The following TENM3 variants were observed in gnomAD, a reference collection of about 807,000 sequenced individuals.
The protein encoded by TENM3 is teneurin-3.
Under a neutral mutation model 255.1 loss-of-function variants are expected in TENM3, and 63 were observed. That is an observed-to-expected ratio of 0.25 (90% CI 0.20 to 0.30). The LOEUF (loss-of-function observed/expected upper bound fraction) is 0.30. Among genes scored for constraint, TENM3 ranks in the 10% least tolerant of loss-of-function variants. TENM3 has a pLI of 1.00. For synonymous variants in TENM3, 1,306 were observed against 1,322.3 expected (o/e 0.99, Z 0.27); for missense variants, 2,929 against 3,461.1 (o/e 0.85, Z 3.86).
At chr4:181,759,146 A>G in the TENM3 span, among the ~76,000 whole-genome samples, 1 of 152,138 alleles carries the variant, frequency 6.6e-6, no homozygotes, top group Non-Finnish European at 1.5e-5. Flanking sequence ...TTGGAAATAG[A>G]GATTGCAAAA....
At chr4:182,267,870 T>C (rs1481543685) in intron 1 of TENM3, among the ~76,000 whole-genome samples, 4 of 152,214 alleles carry the variant, frequency 2.6e-5, no homozygotes, top group Admixed American at 2.0e-4. Flanking sequence ...TTTCAAAAAC[T>C]ATGGTACACT....
At chr4:182,794,968 T>G (rs1165916902) in intron 26 of TENM3, among the ~76,000 whole-genome samples, 1 of 152,106 alleles carries the variant, frequency 6.6e-6, no homozygotes, top group Non-Finnish European at 1.5e-5. Flanking sequence ...TGGGCTTGAT[T>G]TAAGGTATTT....
intron 1 of TENM3, among the ~76,000 whole-genome samples, chr4:182,306,751 T>C (rs188334331): frequency 4.7e-4 from 72 of 152,326 alleles, no homozygotes; most frequent in African/African-American, 1.7e-3. Flanking sequence ...TTGTACATAC[T>C]AGAAAGGTTC....
the TENM3 span, among the ~76,000 whole-genome samples, chr4:181,892,395 C>T: frequency 2.0e-4 from 31 of 152,270 alleles, no homozygotes; most frequent in African/African-American, 7.2e-4. Flanking sequence ...TACCTAGTTT[C>T]TGAGTGTCAC....
the TENM3 span, among the ~76,000 whole-genome samples, chr4:181,852,819 G>A: frequency 1.3e-5 from 2 of 152,132 alleles, no homozygotes; most frequent in Non-Finnish European, 2.9e-5. Flanking sequence ...GGTGACCAAG[G>A]GAGGATGAGC....
At chr4:181,670,310 G>A in the TENM3 span, among the ~76,000 whole-genome samples, 1 of 152,262 alleles carries the variant, frequency 6.6e-6, no homozygotes, top group East Asian at 1.9e-4. Flanking sequence ...AGTAATTGCC[G>A]AGAGTGACCG....
chr4:182,610,831 C>T (rs1194758280), intron 4 of TENM3, among the ~76,000 whole-genome samples: 1 of 150,502 alleles, frequency 6.6e-6, no homozygotes, highest in Admixed American at 6.6e-5. Flanking sequence ...ACAACCTTGA[C>T]CTCCTGGGCT....
chr4:181,880,946 A>G, the TENM3 span, among the ~76,000 whole-genome samples: 1 of 152,124 alleles, frequency 6.6e-6, no homozygotes, highest in Non-Finnish European at 1.5e-5. Context: ...CATAGGAGTC[A>G]TGTTTTGGGT....
chr4:181,854,287 A>G, the TENM3 span, among the ~76,000 whole-genome samples: 6 of 152,192 alleles, frequency 3.9e-5, no homozygotes, highest in Admixed American at 1.3e-4. Context: ...TCCTAAGAGC[A>G]TTACAGCCTT....
At chr4:182,314,802 C>A (rs1047369835) in intron 1 of TENM3, among the ~76,000 whole-genome samples, 13 of 152,160 alleles carry the variant, frequency 8.5e-5, no homozygotes, top group Non-Finnish European at 4.4e-5. Context: ...AGTCTATCAT[C>A]TTGCTATTTG....
At chr4:182,354,012 T>C (rs948632872) in intron 3 of TENM3, among the ~76,000 whole-genome samples, 1 of 152,062 alleles carries the variant, frequency 6.6e-6, no homozygotes, top group Non-Finnish European at 1.5e-5. Context: ...CTAAAAAATT[T>C]AGTATTATGA....
intron 1 of TENM3, among the ~76,000 whole-genome samples, chr4:182,176,662 T>A (rs1265523535): frequency 2.0e-5 from 3 of 151,790 alleles, no homozygotes; most frequent in Admixed American, 1.3e-4. Flanking sequence ...TTTGGTATAC[T>A]TTTTTTTCTT....
the TENM3 span, among the ~76,000 whole-genome samples, chr4:182,098,592 C>T: frequency 6.6e-6 from 1 of 152,142 alleles, no homozygotes. Context: ...ACAAATGTCA[C>T]ATGTTCTCAC....
chr4:182,750,855 T>C (rs1762321317), intron 19 of TENM3, among the ~76,000 whole-genome samples: 2 of 152,194 alleles, frequency 1.3e-5, no homozygotes. Context: ...ATTTAAATTA[T>C]TTTTCAGGTT....
intron 1 of TENM3, among the ~76,000 whole-genome samples, chr4:182,257,311 T>C (rs1758469001): frequency 6.6e-6 from 1 of 152,206 alleles, no homozygotes; most frequent in Non-Finnish European, 1.5e-5. Flanking sequence ...TGTGTGTGTG[T>C]TTGTGTGTGT....
intron 3 of TENM3, among the ~76,000 whole-genome samples, chr4:182,571,808 G>A (rs1242178080): frequency 6.6e-6 from 1 of 152,164 alleles, no homozygotes; most frequent in Non-Finnish European, 1.5e-5. Flanking sequence ...AAGACTGAAA[G>A]TTTCAAACAA....
chr4:182,197,885 A>G (rs1231663721), intron 1 of TENM3, among the ~76,000 whole-genome samples: 1 of 152,168 alleles, frequency 6.6e-6, no homozygotes, highest in Non-Finnish European at 1.5e-5. Context: ...CGGTCGGATC[A>G]CCTGAGGTCA....
At chr4:182,526,919 T>C (rs1397294262) in intron 3 of TENM3, among the ~76,000 whole-genome samples, 1 of 152,196 alleles carries the variant, frequency 6.6e-6, no homozygotes, top group Non-Finnish European at 1.5e-5. Context: ...TGGTTACTTG[T>C]CTCTCTTTTA....
chr4:181,859,351 A>T, the TENM3 span, among the ~76,000 whole-genome samples: 2 of 151,424 alleles, frequency 1.3e-5, no homozygotes, highest in African/African-American at 4.8e-5. Flanking sequence ...TATAGCATTT[A>T]AAAATAGTCC....
Sources: allele counts gnomAD v4.1 joint callset (sites outside exome capture counted in the v4.1 genomes callset), GRCh38; gene constraint gnomAD v4.1.1; transcripts MANE v1.5; gene names NCBI Gene and HGNC (gene_info 2026-07-23, HGNC 2026-07-21).